TPRG1: variants seen among roughly 807,000 people sequenced by gnomAD.
TPRG1 encodes tumor protein p63 regulated 1, also known as tumor protein p63-regulated gene 1 protein.
Under a neutral mutation model 29.3 loss-of-function variants are expected in TPRG1, and 29 were observed. The observed-to-expected ratio is 0.99, with a 90% CI of 0.74 to 1.35. The LOEUF (loss-of-function observed/expected upper bound fraction) is 1.35, where lower values mean the gene tolerates loss of function less well. TPRG1 is among the 40% of genes most tolerant of loss of function. TPRG1 has a pLI of 0.00. For synonymous variants in TPRG1, 130 were observed against 116.8 expected, an observed-to-expected ratio of 1.11 and a Z score of -0.73; for missense variants, 327 against 335.0, an observed-to-expected ratio of 0.98 and a Z score of 0.19.
At chr3:189,093,000 CCTTCTT>C (rs199684401) in intron 4 of TPRG1, among the ~76,000 whole-genome samples, 2 of 142,434 alleles carry the variant, frequency 1.4e-5, no homozygotes, top group African/African-American at 6.0e-5. Context: ...AATTATTTCT[CCTTCTT>C]CTTCTGTGAT....
intron 4 of TPRG1, among the ~76,000 whole-genome samples, chr3:189,280,449 G>T (rs1245344804): frequency 6.6e-6 from 1 of 152,126 alleles, no homozygotes; most frequent in African/African-American, 2.4e-5. Flanking sequence ...TATAACATGT[G>T]TATTAATAAT....
At chr3:189,056,344 C>T (rs1429646500) in intron 4 of TPRG1, among the ~76,000 whole-genome samples, 1 of 152,136 alleles carries the variant, frequency 6.6e-6, no homozygotes, top group Admixed American at 6.5e-5. Flanking sequence ...GACCTACCCA[C>T]CTCTGCCTCC....
intron 4 of TPRG1, among the ~76,000 whole-genome samples, chr3:189,081,370 G>A (rs1231271576): frequency 6.6e-6 from 1 of 152,156 alleles, no homozygotes; most frequent in Non-Finnish European, 1.5e-5. Flanking sequence ...GGACCGAGGA[G>A]CAGTCAAAGA....
At chr3:189,189,531 A>G (rs1313694552) in intron 1 of TPRG1, among the ~76,000 whole-genome samples, 3 of 152,192 alleles carry the variant, frequency 2.0e-5, no homozygotes, top group Non-Finnish European at 2.9e-5. Flanking sequence ...TAAAAAAAAA[A>G]TCTGGCTGGA....
intron 4 of TPRG1, among the ~76,000 whole-genome samples, chr3:189,072,445 A>C (rs1033031652): frequency 3.3e-5 from 5 of 152,120 alleles, no homozygotes; most frequent in Admixed American, 3.3e-4. Flanking sequence ...ATTGTTTCTC[A>C]ATGTGGATAT....
At chr3:189,114,653 C>T (rs1477333777) in intron 1 of TPRG1, among the ~76,000 whole-genome samples, 1 of 152,114 alleles carries the variant, frequency 6.6e-6, no homozygotes, top group Non-Finnish European at 1.5e-5. Flanking sequence ...ATTTGCCCAG[C>T]CACAAGGAAG....
At chr3:189,252,603 A>C (rs1409181559) in intron 4 of TPRG1, among the ~76,000 whole-genome samples, 1 of 152,198 alleles carries the variant, frequency 6.6e-6, no homozygotes, top group Non-Finnish European at 1.5e-5. Flanking sequence ...AATTAACTAC[A>C]GGTTTAAAGC....
intron 4 of TPRG1, among the ~76,000 whole-genome samples, chr3:189,255,173 T>C (rs998582393): frequency 6.6e-6 from 1 of 152,176 alleles, no homozygotes; most frequent in African/African-American, 2.4e-5. Flanking sequence ...CATAAATAGC[T>C]CCTCTTATTT....
rs532433278 is a variant in TPRG1 at position 189,316,577 on chromosome 3, G to A, written c.634-4049G>A. Among the ~76,000 whole-genome samples the A allele has an allele frequency of 2.0e-5, 3 of 152,304 alleles. No homozygotes were observed. The South Asian group carries it at 6.2e-4, about 32-fold the overall frequency. Reference sequence around the variant, plus strand: ...GACTCCAGGCAATGAACTGTTGGCAGACAGCACCTAAAGCAAACCTGTGGA... The same window carrying A: ...GACTCCAGGCAATGAACTGTTGGCAAACAGCACCTAAAGCAAACCTGTGGA... On this transcript the variant is annotated intron_variant, in intron 5 of 5. Transcript: ENST00000345063.
At chr3:189,119,107 A>C (rs919005152) in intron 1 of TPRG1, among the ~76,000 whole-genome samples, 2 of 152,240 alleles carry the variant, frequency 1.3e-5, no homozygotes, top group African/African-American at 2.4e-5. Context: ...GCCCAAGGCC[A>C]TGTTGTGGGA....
chr3:189,051,607 A>G (rs1386576207), intron 4 of TPRG1, among the ~76,000 whole-genome samples: 1 of 152,182 alleles, frequency 6.6e-6, no homozygotes, highest in East Asian at 1.9e-4. Context: ...TAAAATTTAT[A>G]TGGAACCAAA....
intron 2 of TPRG1, among the ~76,000 whole-genome samples, chr3:189,129,539 A>G (rs1722871965): frequency 6.6e-6 from 1 of 152,218 alleles, no homozygotes; most frequent in South Asian, 2.1e-4. Context: ...CTATAAAAAT[A>G]TGCTGTTTAT....
intron 4 of TPRG1, among the ~76,000 whole-genome samples, chr3:189,081,323 G>A (rs1453915170): frequency 6.6e-6 from 1 of 152,126 alleles, no homozygotes; most frequent in Admixed American, 6.6e-5. Context: ...TCTTAGAAGA[G>A]CCAAGAGGCA....
chr3:189,235,017 G>A (rs1473618096), intron 3 of TPRG1, among the ~76,000 whole-genome samples: 1 of 152,060 alleles, frequency 6.6e-6, no homozygotes, highest in Admixed American at 6.6e-5. Flanking sequence ...TAAGTTGGAG[G>A]GGGCACAGTG....
At chr3:189,046,341 T>C (rs968990024) in intron 4 of TPRG1, among the ~76,000 whole-genome samples, 4 of 152,168 alleles carry the variant, frequency 2.6e-5, no homozygotes, top group African/African-American at 4.8e-5. Flanking sequence ...AACTCAGAAA[T>C]CACAGAGACA....
Position 189,207,549 on chromosome 3 carries a change from T to C in TPRG1, c.165T>C (p.Asn55=). ...TGACCGAATCAACTCTTTACCCCAA[T>C]CCTTATCATCAGCCTTATATCTCAC... ...SSVTESTLYP[N]PYHQPYISRK... Residue 55 remains asparagine (N), a synonymous_variant, in exon 2 of 6, where the codon AAT becomes AAC. Coordinates refer to ENST00000345063, the MANE Select transcript of TPRG1 (RefSeq NM_198485.4). The C allele has an allele frequency of 6.2e-7, 1 of 1,614,020 alleles. No individual in the cohort carries two copies. The highest frequency in any genetic ancestry group is 8.5e-7 in the Non-Finnish European group (1 of 1,179,946).
chr3:189,193,122 T>C lies in TPRG1; in HGVS notation c.-9-14254T>C, dbSNP rs1358234033. ...TGTTTTTAGAATTCTCTCTTTGTTTTTGACTTTTAATTTTTTTTTTTTTTT... is the reference window on the plus strand; with the variant it reads ...TGTTTTTAGAATTCTCTCTTTGTTTCTGACTTTTAATTTTTTTTTTTTTTT... On this transcript the variant is annotated intron_variant, in intron 1 of 5. Coordinates refer to ENST00000345063, the MANE Select transcript of TPRG1 (RefSeq NM_198485.4). Among the ~76,000 whole-genome samples, 9 of 146,852 alleles carry C rather than the reference T, an allele frequency of 6.1e-5. No homozygotes were observed. The South Asian group carries it at 1.8e-3, about 29-fold the overall frequency.
intron 4 of TPRG1, among the ~76,000 whole-genome samples, chr3:189,024,984 A>G (rs1310021246): frequency 6.6e-6 from 1 of 152,068 alleles, no homozygotes; most frequent in African/African-American, 2.4e-5. Context: ...AGTGGGTTTT[A>G]TTTTGGGAGG....
Position 189,022,798 on chromosome 3 carries a change from G to T in TPRG1, c.-659-952G>T, listed in dbSNP as rs570552066. On this transcript the variant is annotated intron_variant, in intron 3 of 10. Transcript: ENST00000433971. ...GCTGCTTTGTTTACCTAATCAAGCC[G>T]GGGCAATGGCGGGCGCCCCTCCCCC... Among the ~76,000 whole-genome samples the T allele has an allele frequency of 8.1e-3, 1,229 of 152,240 alleles. 5 individuals are homozygous for T. Among genetic ancestry groups the T allele is most frequent in the Non-Finnish European group, 0.011 (771 of 68,016 alleles).
Sources: gnomAD v4.1 joint callset for allele counts (sites outside exome capture counted in the v4.1 genomes callset) on GRCh38, gnomAD v4.1.1 for gene constraint, MANE v1.5 for transcripts, NCBI Gene and HGNC (gene_info 2026-07-23, HGNC 2026-07-21) for gene names.